Variants in GRIK3 observed in about 807,000 individuals in gnomAD.
GRIK3 encodes the protein glutamate receptor ionotropic, kainate 3.
A neutral mutation model predicts 102.5 loss-of-function variants in GRIK3; 29 were observed. That is an observed-to-expected ratio of 0.28 (90% confidence interval 0.21 to 0.39). The LOEUF (loss-of-function observed/expected upper bound fraction) is 0.39, where lower values mean the gene tolerates loss of function less well. GRIK3 is among the 10% of genes least tolerant of loss of function. The pLI is 1.00. For missense variants in GRIK3, 908 were observed against 1,252.4 expected, an observed-to-expected ratio of 0.73 and a Z score of 4.15; for synonymous variants, 511 against 504.9, an observed-to-expected ratio of 1.01 and a Z score of -0.16.
At chr1:36,988,062 G>C (rs1642325069) in intron 1 of GRIK3, among the ~76,000 whole-genome samples, 1 of 152,152 alleles carries the variant, frequency 6.6e-6, no homozygotes, top group Non-Finnish European at 1.5e-5. Context: ...AGGCCGAGGT[G>C]GGTGGATCAC....
chr1:36,815,571 C>G (rs982743297), intron 13 of GRIK3, among the ~76,000 whole-genome samples: 12 of 152,196 alleles, frequency 7.9e-5, no homozygotes, highest in African/African-American at 2.7e-4. Context: ...AGTGGGCCTG[C>G]AGCCACAGAG....
At chr1:36,949,137 C>T (rs1641815102) in intron 1 of GRIK3, among the ~76,000 whole-genome samples, 1 of 152,230 alleles carries the variant, frequency 6.6e-6, no homozygotes, top group Non-Finnish European at 1.5e-5. Flanking sequence ...GGCCCCAGGA[C>T]CTGCCTGGCT....
intron 8 of GRIK3, among the ~76,000 whole-genome samples, chr1:36,851,696 G>C (rs1640587381): frequency 1.3e-5 from 2 of 152,388 alleles, no homozygotes; most frequent in Admixed American, 1.3e-4. Context: ...AGTCCGGGTG[G>C]CTGTGACCCG....
intron 1 of GRIK3, among the ~76,000 whole-genome samples, chr1:37,009,916 C>G (rs972824445): frequency 6.6e-6 from 1 of 151,910 alleles, no homozygotes; most frequent in African/African-American, 2.4e-5. Flanking sequence ...GAGGGGGTGG[C>G]CTATGCCCTG....
chr1:36,869,599 A>T, intron 5 of GRIK3, 149 bp downstream of exon 5: 1 of 664,658 alleles, frequency 1.5e-6, no homozygotes, highest in Non-Finnish European at 2.7e-6. Flanking sequence ...GGTCACAAAG[A>T]CATATTTGTG....
chr1:36,986,725 G>C (rs532879644), intron 1 of GRIK3, among the ~76,000 whole-genome samples: 1 of 152,356 alleles, frequency 6.6e-6, no homozygotes, highest in African/African-American at 2.4e-5. Context: ...AGGAGCTGAG[G>C]AAGGCCTGGC....
intron 5 of GRIK3, among the ~76,000 whole-genome samples, chr1:36,868,532 C>T (rs1368218396): frequency 6.6e-6 from 1 of 152,160 alleles, no homozygotes; most frequent in Non-Finnish European, 1.5e-5. Flanking sequence ...CTGGGGGAGG[C>T]GGCTCTTATT....
intron 1 of GRIK3, among the ~76,000 whole-genome samples, chr1:36,947,905 G>T (rs1641802379): frequency 6.6e-6 from 1 of 151,938 alleles, no homozygotes; most frequent in Non-Finnish European, 1.5e-5. Context: ...GATGGTTCAT[G>T]GCCATCTCCG....
intron 1 of GRIK3, among the ~76,000 whole-genome samples, chr1:36,977,084 A>T (rs72923860): frequency 0.022 from 3,360 of 152,268 alleles, 106 homozygotes; most frequent in African/African-American, 0.075. Context: ...GCCAGTCCAC[A>T]TCATCCCTCT....
intron 1 of GRIK3, among the ~76,000 whole-genome samples, chr1:36,932,714 TTTC>T (rs1234339072): frequency 6.6e-6 from 1 of 152,214 alleles, no homozygotes; most frequent in Admixed American, 6.5e-5. Flanking sequence ...TTAACTTGAT[TTTC>T]TTCTTCTTTC....
intron 1 of GRIK3, among the ~76,000 whole-genome samples, chr1:36,953,850 C>A (rs1047382504): frequency 1.3e-5 from 2 of 152,136 alleles, no homozygotes; most frequent in Non-Finnish European, 2.9e-5. Context: ...TGAAGAAGCT[C>A]CCCTGGAGGG....
At chr1:36,945,290 T>C (rs1461329369) in intron 1 of GRIK3, among the ~76,000 whole-genome samples, 1 of 152,224 alleles carries the variant, frequency 6.6e-6, no homozygotes, top group Non-Finnish European at 1.5e-5. Context: ...AGCACCAGTT[T>C]AGGGTAGAAG....
Position 36,806,421 on chromosome 1 carries a change from A to G in GRIK3, c.2092-95T>C. On this transcript the variant is annotated intron_variant, in intron 13 of 15. Coordinates refer to ENST00000373091, the MANE Select transcript of GRIK3 (RefSeq NM_000831.4). This position sits in a 1 kb window ranked among gnomAD's most constrained non-coding sequence, Gnocchi z 4.0. ...CTGCACAACGTGGGTTGGGGCCTTG[A>G]ACTCGGTCTACAATCTTCAGAGAAA... 1.4e-6 allele frequency: 1 copy of G among 696,830 alleles called. No individual in the cohort carries two copies. The highest frequency in any genetic ancestry group is 2.5e-6 in the Non-Finnish European group (1 of 404,762). 43.2% of individuals were successfully genotyped at this position (696,830 alleles called of 1,614,324 possible). A position where few individuals can be genotyped will look rare whatever the true frequency, so the allele number is the denominator to read the frequency against.
At chr1:36,976,327 G>A (rs932542927) in intron 1 of GRIK3, among the ~76,000 whole-genome samples, 3 of 152,060 alleles carry the variant, frequency 2.0e-5, no homozygotes, top group African/African-American at 7.2e-5. Context: ...GGGCATCTAC[G>A]ACTTCTTACA....
intron 10 of GRIK3, among the ~76,000 whole-genome samples, chr1:36,830,810 C>CA (rs948901521): frequency 0.029 from 1,202 of 41,154 alleles, 129 homozygotes; most frequent in Admixed American, 0.12. Flanking sequence ...GACTCTGTCT[C>CA]AAAAAAAAAA....
intron 1 of GRIK3, among the ~76,000 whole-genome samples, chr1:36,904,128 G>C (rs1223854124): frequency 6.6e-6 from 1 of 152,112 alleles, no homozygotes; most frequent in African/African-American, 2.4e-5. Context: ...ACTTAAAACT[G>C]CTCCAAAAAA....
intron 1 of GRIK3, among the ~76,000 whole-genome samples, chr1:36,946,264 C>T (rs565262295): frequency 1.3e-5 from 2 of 152,262 alleles, no homozygotes; most frequent in Non-Finnish European, 2.9e-5. Context: ...GATGGGACAC[C>T]TGGGACACCG....
chr1:36,885,303 A>C (rs1433940329), intron 2 of GRIK3, among the ~76,000 whole-genome samples: 1 of 152,160 alleles, frequency 6.6e-6, no homozygotes, highest in Non-Finnish European at 1.5e-5. Context: ...TGACAGTATC[A>C]GTGGGATGGT....
At chr1:36,886,063 G>A (rs551181229) in intron 2 of GRIK3, among the ~76,000 whole-genome samples, 1 of 152,324 alleles carries the variant, frequency 6.6e-6, no homozygotes, top group Non-Finnish European at 1.5e-5. Flanking sequence ...GTCAGCCTTG[G>A]AAGAAAACAC....
Sources: gnomAD v4.1 joint callset for allele counts (sites outside exome capture counted in the v4.1 genomes callset) on GRCh38, gnomAD v4.1.1 for gene constraint, Gnocchi (gnomAD v3.1) non-coding constraint, MANE v1.5 for transcripts, NCBI Gene and HGNC (gene_info 2026-07-23, HGNC 2026-07-21) for gene names.